FHOD3: variants seen among roughly 807,000 people sequenced by gnomAD.
The protein encoded by FHOD3 is FH1/FH2 domain-containing protein 3.
A neutral mutation model predicts 173.0 loss-of-function variants in FHOD3; 90 were observed. That is an observed-to-expected ratio of 0.52 (90% CI 0.44 to 0.62). FHOD3 has a LOEUF of 0.62. FHOD3 is among the 20% of genes least tolerant of loss of function. FHOD3 has a pLI of 0.00. For missense variants in FHOD3, 1,945 were observed against 2,034.7 expected, an observed-to-expected ratio of 0.96 and a Z score of 0.85; for synonymous variants, 828 against 823.0, an observed-to-expected ratio of 1.01 and a Z score of -0.10.
At chr18:36,322,780 T>A (rs2044466270) in intron 1 of FHOD3, among the ~76,000 whole-genome samples, 1 of 152,168 alleles carries the variant, frequency 6.6e-6, no homozygotes, top group African/African-American at 2.4e-5. Flanking sequence ...CTTGCTGGCT[T>A]TGTCATCCCT....
Position 36,596,845 on chromosome 18 carries a change from T to C in FHOD3, c.718+1947T>C, listed in dbSNP as rs1408110268. The stretch of plus-strand genomic sequence containing the variant: ...AAAGACCCTTATGGCCAAGAGTAGA[T>C]CATGGGGCCGGCCCAGAATCCTTGA... On this transcript the variant is annotated intron_variant, in intron 7 of 28. Transcript: ENST00000590592. 2.0e-5 allele frequency among the ~76,000 whole-genome samples: 3 copies of C among 152,120 alleles called. No homozygotes were observed. The East Asian group carries it at 5.8e-4, about 29-fold the overall frequency.
intron 17 of FHOD3, among the ~76,000 whole-genome samples, chr18:36,693,636 A>G (rs1392857706): frequency 1.3e-5 from 2 of 152,236 alleles, no homozygotes; most frequent in African/African-American, 4.8e-5. Flanking sequence ...TGATTCATCA[A>G]AGTTGTCAAT....
chr18:36,600,467 C>A lies in FHOD3; in HGVS notation c.719-2207C>A, dbSNP rs574136355. 2.6e-5 allele frequency among the ~76,000 whole-genome samples: 4 copies of A among 152,286 alleles called. No individual in the cohort carries two copies. In the East Asian group the frequency reaches 7.7e-4, roughly 29 times the overall value. ...TGAACCAAATGTTTCTTCCCTTTTA[C>A]CTTCATTGTAAATATTTCCGATTTT... On this transcript the variant is annotated intron_variant, in intron 7 of 28. Transcript: ENST00000590592.
At chr18:36,684,118 G>C (rs1478066650) in intron 15 of FHOD3, among the ~76,000 whole-genome samples, 1 of 152,164 alleles carries the variant, frequency 6.6e-6, no homozygotes, top group Non-Finnish European at 1.5e-5. Context: ...AGTGGGAGTG[G>C]ATCACCACCC....
At chr18:36,578,714 G>T (rs1267103577) in intron 6 of FHOD3, among the ~76,000 whole-genome samples, 1 of 152,106 alleles carries the variant, frequency 6.6e-6, no homozygotes, top group Non-Finnish European at 1.5e-5. Context: ...CTAGTTTTAG[G>T]CTGTATCTCC....
chr18:36,711,305 A>G (rs1369201650), intron 18 of FHOD3: 1 of 152,220 alleles, frequency 6.6e-6, no homozygotes, highest in African/African-American at 2.4e-5. Flanking sequence ...TAGAGATAAA[A>G]AATTATTCTC....
chr18:36,745,639 T>A (rs1006206587), intron 23 of FHOD3, among the ~76,000 whole-genome samples: 8 of 152,104 alleles, frequency 5.3e-5, no homozygotes, highest in Non-Finnish European at 8.8e-5. Flanking sequence ...TCGTTGCCTC[T>A]GTCAGTGGCC....
At chr18:36,482,822 A>AACACACACACACACACACAC (rs1202251220) in intron 3 of FHOD3, among the ~76,000 whole-genome samples, 1 of 92,576 alleles carries the variant, frequency 1.1e-5, no homozygotes, top group African/African-American at 4.7e-5. Context: ...CCGGTGAACA[A>AACACACACACACACACACAC]ACACACACAC....
chr18:36,454,614 A>AT (rs2052059419), intron 3 of FHOD3, among the ~76,000 whole-genome samples: 1 of 150,938 alleles, frequency 6.6e-6, no homozygotes, highest in Admixed American at 6.6e-5. Flanking sequence ...ACAGCTAAAT[A>AT]TTTTTTTCTC....
In FHOD3 at chr18:36,690,731, A is replaced by AT. The variant is rs2038912471; in HGVS notation, c.2022-2477dup. On this transcript the variant is annotated intron_variant, in intron 16 of 28. Coordinates refer to ENST00000590592, the MANE Select transcript of FHOD3 (RefSeq NM_001281740.3). ...CCTCCATGCCTCTCTGCCCCGCCAT[A>AT]TAAAAAAAAAACTTTTAATTATGAT... Among the ~76,000 whole-genome samples, 4 of 114,658 alleles carry AT rather than the reference A, an allele frequency of 3.5e-5. No homozygotes were observed. The South Asian group carries it at 1.1e-3, about 31-fold the overall frequency. The allele number at this position is 114,658 out of a possible 152,430, so 75.2% of individuals were successfully genotyped here.
Position 36,668,003 on chromosome 18 carries a change from A to G in FHOD3, c.1835+9815A>G, listed in dbSNP as rs117218133. Among the ~76,000 whole-genome samples the G allele has an allele frequency of 3.3e-5, 5 of 152,276 alleles. No homozygotes were observed. In the East Asian group the frequency reaches 9.6e-4, roughly 29 times the overall value. On this transcript the variant is annotated intron_variant, in intron 14 of 28. Transcript: ENST00000590592. ...TTTAAGAAATTGCCTGTCTTCCACA[A>G]TGGCTGTACATGAGTAATGCTCATA...
Position 36,394,701 on chromosome 18 carries a change from A to G in FHOD3, c.337+21957A>G, listed in dbSNP as rs77718730. Among the ~76,000 whole-genome samples the G allele has an allele frequency of 0.032, 4,882 of 152,278 alleles. 334 individuals carry two copies. The East Asian group carries it at 0.33, about 10-fold the overall frequency. On this transcript the variant is annotated intron_variant, in intron 3 of 28. Transcript: ENST00000590592. ...CAAGATGTTTCAGTTCATCTTATGC[A>G]TCACTTGCCCCAGGCCTGTAATCAA...
intron 5 of FHOD3, among the ~76,000 whole-genome samples, chr18:36,532,508 A>G (rs771463161): frequency 9.8e-5 from 15 of 152,312 alleles, no homozygotes; most frequent in Middle Eastern, 3.4e-3. Context: ...ACTTGTGCTC[A>G]GCCTGGCAGA....
chr18:36,401,319 C>A (rs2048802033), intron 3 of FHOD3, among the ~76,000 whole-genome samples: 1 of 152,190 alleles, frequency 6.6e-6, no homozygotes, highest in Non-Finnish European at 1.5e-5. Flanking sequence ...CTATAAGGAA[C>A]AAGACCTCAC....
intron 10 of FHOD3, among the ~76,000 whole-genome samples, chr18:36,639,514 T>G (rs2035138390): frequency 6.6e-6 from 1 of 151,862 alleles, no homozygotes; most frequent in African/African-American, 2.4e-5. Flanking sequence ...ACAAAAAAAA[T>G]TAGCCGGGCG....
At chr18:36,553,419 G>T (rs1337494886) in intron 5 of FHOD3, among the ~76,000 whole-genome samples, 1 of 152,148 alleles carries the variant, frequency 6.6e-6, no homozygotes, top group Non-Finnish European at 1.5e-5. Flanking sequence ...TGTACCTGTG[G>T]TAGAATTCGG....
chr18:36,612,483 A>G (rs999982257), intron 9 of FHOD3, among the ~76,000 whole-genome samples: 3 of 152,172 alleles, frequency 2.0e-5, no homozygotes, highest in Non-Finnish European at 4.4e-5. Context: ...GGCCAGATAC[A>G]TGATTTGTAG....
Position 36,695,786 on chromosome 18 carries a change from T to A in FHOD3, c.2236+2363T>A, listed in dbSNP as rs1046216116. 2.0e-5 allele frequency among the ~76,000 whole-genome samples: 3 copies of A among 152,256 alleles called. No individual in the cohort carries two copies. In the South Asian group the frequency reaches 6.2e-4, roughly 31 times the overall value. On this transcript the variant is annotated intron_variant, in intron 17 of 28. Transcript: ENST00000590592. ...AATGCAAAGTTGGTGTCACCAAGTT[T>A]TTCTCAGCCTACTTTATTCTTTGAA...
intron 5 of FHOD3, among the ~76,000 whole-genome samples, chr18:36,525,824 A>G (rs2056483881): frequency 6.6e-6 from 1 of 152,190 alleles, no homozygotes; most frequent in Non-Finnish European, 1.5e-5. Context: ...ACTGTTGACA[A>G]TGTCCAGGAC....
Sources: gnomAD v4.1 joint callset for allele counts (sites outside exome capture counted in the v4.1 genomes callset) on GRCh38, gnomAD v4.1.1 for gene constraint, MANE v1.5 for transcripts, NCBI Gene and HGNC (gene_info 2026-07-23, HGNC 2026-07-21) for gene names.